The following SLC1A1 variants were observed in gnomAD, a reference collection of about 807,000 sequenced individuals.
The protein encoded by SLC1A1 is excitatory amino acid transporter 3.
SLC1A1 carries 43 observed loss-of-function variants against 53.3 expected under a neutral mutation model. The ratio of observed to expected loss-of-function variants is 0.81; its 90% CI spans 0.63 to 1.04. The LOEUF (loss-of-function observed/expected upper bound fraction) is 1.04, where lower values mean the gene tolerates loss of function less well. Ranked by LOEUF, SLC1A1 falls within the 50% of genes least tolerant of loss-of-function variation. The pLI is 0.00. For missense variants in SLC1A1, 748 were observed against 664.9 expected, an observed-to-expected ratio of 1.12 and a Z score of -1.37; for synonymous variants, 307 against 243.2, an observed-to-expected ratio of 1.26 and a Z score of -2.44.
At chr9:4,576,457 A>C in intron 9 of SLC1A1, 112 bp from the exon 10 acceptor site, 1 of 880,166 alleles carries the variant, frequency 1.1e-6, no homozygotes, top group Admixed American at 1.9e-5. Flanking sequence ...TTTCTCGACA[A>C]GATTACCTAA....
intron 3 of SLC1A1, among the ~76,000 whole-genome samples, chr9:4,562,670 T>C (rs1286424367): frequency 6.6e-6 from 1 of 152,114 alleles, no homozygotes; most frequent in Non-Finnish European, 1.5e-5. Context: ...ATGTGGTGTT[T>C]GGTTTTTTGT....
In SLC1A1 at chr9:4,572,321, C is replaced by A; in HGVS notation, c.700C>A (p.Gln234Lys). 6.2e-7 allele frequency: 1 copy of A among 1,614,134 alleles called. No individual in the cohort carries two copies. Among genetic ancestry groups the A allele is most frequent in the African/African-American group, 1.3e-5 (1 of 75,052 alleles). The change falls in exon 7 of 12, where the codon CAA becomes AAA. Residue 234 changes from glutamine to lysine, a missense_variant. Gln to Lys is a moderately conservative substitution (Grantham distance 53). Coordinates refer to ENST00000262352, the MANE Select transcript of SLC1A1 (RefSeq NM_004170.6). ...LVIGKMGEKG[Q>K]ILVDFFNALS... ...CATTGGAAAAATGGGAGAAAAGGGACAAATTCTGGTGGATTTCTTCAATGC... is the reference window on the plus strand; with the variant it reads ...CATTGGAAAAATGGGAGAAAAGGGAAAAATTCTGGTGGATTTCTTCAATGC...
At chr9:4,512,977 G>C (rs1404775578) in intron 1 of SLC1A1, among the ~76,000 whole-genome samples, 1 of 151,874 alleles carries the variant, frequency 6.6e-6, no homozygotes, top group Non-Finnish European at 1.5e-5. Flanking sequence ...AAAGAGCAAA[G>C]GATAGTCTTT....
chr9:4,561,455 C>T lies in SLC1A1; in HGVS notation c.239C>T (p.Ala80Val), dbSNP rs1283908226. Residue 80 changes from alanine to valine, a missense_variant, in exon 3 of 12, where the codon GCT becomes GTT. Coordinates refer to ENST00000262352, the MANE Select transcript of SLC1A1 (RefSeq NM_004170.6). ...LIISSMITGV[A>V]ALDSNVSGKI... ...ATTTCTGTCTCCCCTTCAGGTGTTG[C>T]TGCACTGGATTCCAACGTATCCGGA... 6.3e-7 allele frequency: 1 copy of T among 1,595,234 alleles called. No individual in the cohort carries two copies. Among genetic ancestry groups the T allele is most frequent in the East Asian group, 2.2e-5 (1 of 44,798 alleles).
At chr9:4,536,613 A>G (rs2130863482) in intron 1 of SLC1A1, among the ~76,000 whole-genome samples, 1 of 152,338 alleles carries the variant, frequency 6.6e-6, no homozygotes, top group Non-Finnish European at 1.5e-5. Flanking sequence ...AACCAGTTCA[A>G]CCATTGTGGA....
intron 2 of SLC1A1, among the ~76,000 whole-genome samples, chr9:4,551,828 T>C (rs1303803300): frequency 6.6e-6 from 1 of 152,212 alleles, no homozygotes; most frequent in Non-Finnish European, 1.5e-5. Flanking sequence ...GAAATTTGTG[T>C]TGAGTTAGAA....
rs1821527289 is a variant in SLC1A1, at chr9:4,585,740, G to A, written c.*182G>A. 1 of 721,264 alleles carries A rather than the reference G, an allele frequency of 1.4e-6. No individual in the cohort carries two copies. Among genetic ancestry groups the A allele is most frequent in the Non-Finnish European group, 2.3e-6 (1 of 440,660 alleles). 44.7% of individuals were successfully genotyped at this position (721,264 alleles called of 1,614,324 possible). A position where few individuals can be genotyped will look rare whatever the true frequency, so the allele number is the denominator to read the frequency against. On this transcript the variant is annotated 3_prime_UTR_variant, in exon 12 of 12. Coordinates refer to ENST00000262352, the MANE Select transcript of SLC1A1 (RefSeq NM_004170.6). ...TTGCGCTCTGGGTTTTGGGATTTGGGTGTGGGGTAAGTTGAAGGGAAATCA... is the reference window on the plus strand; with the variant it reads ...TTGCGCTCTGGGTTTTGGGATTTGGATGTGGGGTAAGTTGAAGGGAAATCA...
intron 1 of SLC1A1, among the ~76,000 whole-genome samples, chr9:4,537,213 T>TA (rs1816707329): frequency 6.6e-6 from 1 of 152,094 alleles, no homozygotes. Context: ...TGAAGATGTT[T>TA]AATGTGGGGG....
In SLC1A1 at chr9:4,508,692, C is replaced by G. The variant is rs150466760; in HGVS notation, c.91+17922C>G. The stretch of plus-strand genomic sequence containing the variant: ...ACATTCCTGTGGCCCAGTTTTCATG[C>G]TTTGCTCATGACATCCTCCCTCAGT... On this transcript the variant is annotated intron_variant, in intron 1 of 11. Coordinates refer to ENST00000262352, the MANE Select transcript of SLC1A1 (RefSeq NM_004170.6). 5.9e-3 allele frequency among the ~76,000 whole-genome samples: 895 copies of G among 152,332 alleles called. 9 individuals are homozygous for G. The highest frequency in any genetic ancestry group is 0.021 in the African/African-American group (856 of 41,572).
At chr9:4,535,152 C>G (rs1018220406) in intron 1 of SLC1A1, among the ~76,000 whole-genome samples, 2 of 152,094 alleles carry the variant, frequency 1.3e-5, no homozygotes, top group Non-Finnish European at 2.9e-5. Flanking sequence ...TGGCACAAGA[C>G]AGAGATGACC....
chr9:4,503,937 C>T (rs1490468403), intron 1 of SLC1A1, among the ~76,000 whole-genome samples: 1 of 148,220 alleles, frequency 6.7e-6, no homozygotes. Context: ...GAGTGAAGAC[C>T]ATGAGGAACT....
At chr9:4,534,187 G>C (rs531075971) in intron 1 of SLC1A1, among the ~76,000 whole-genome samples, 18 of 152,240 alleles carry the variant, frequency 1.2e-4, no homozygotes, top group African/African-American at 4.3e-4. Flanking sequence ...AAAGCTAGCA[G>C]AAGGCAAGAA....
At chr9:4,531,440 C>T (rs970430250) in intron 1 of SLC1A1, among the ~76,000 whole-genome samples, 6 of 152,166 alleles carry the variant, frequency 3.9e-5, no homozygotes, top group Admixed American at 1.3e-4. Flanking sequence ...GTCCTACGCC[C>T]GCAGAGACTC....
chr9:4,521,294 C>G (rs967374464), intron 1 of SLC1A1, among the ~76,000 whole-genome samples: 6 of 152,166 alleles, frequency 3.9e-5, no homozygotes, highest in African/African-American at 1.4e-4. Context: ...GGTACTACCT[C>G]CTATTTACCC....
chr9:4,540,763 G>A (rs1477104134), intron 1 of SLC1A1, among the ~76,000 whole-genome samples: 1 of 152,208 alleles, frequency 6.6e-6, no homozygotes, highest in African/African-American at 2.4e-5. Flanking sequence ...CTGCAACGGT[G>A]TCAGGGAAAT....
At chr9:4,561,963 G>A (rs1818987870) in intron 3 of SLC1A1, among the ~76,000 whole-genome samples, 2 of 151,676 alleles carry the variant, frequency 1.3e-5, no homozygotes, top group African/African-American at 4.8e-5. Flanking sequence ...CTTCTATGTT[G>A]CCCAGGCTGG....
intron 11 of SLC1A1, among the ~76,000 whole-genome samples, chr9:4,584,606 C>T (rs1394403042): frequency 1.3e-5 from 2 of 152,232 alleles, no homozygotes; most frequent in African/African-American, 4.8e-5. Flanking sequence ...CCCCTGCATG[C>T]AGTTCCTGTC....
chr9:4,521,838 G>C (rs1349489450), intron 1 of SLC1A1, among the ~76,000 whole-genome samples: 1 of 152,062 alleles, frequency 6.6e-6, no homozygotes, highest in Non-Finnish European at 1.5e-5. Flanking sequence ...ATTTATTCAA[G>C]ACCTTTACAA....
intron 3 of SLC1A1, among the ~76,000 whole-genome samples, chr9:4,563,972 G>A (rs577490409): frequency 1.3e-5 from 2 of 152,232 alleles, no homozygotes; most frequent in East Asian, 1.9e-4. Flanking sequence ...GCTAGAAAAT[G>A]GATCATCCTT....
Sources: gnomAD v4.1 joint callset for allele counts (sites outside exome capture counted in the v4.1 genomes callset) on GRCh38, gnomAD v4.1.1 for gene constraint, MANE v1.5 for transcripts, NCBI Gene and HGNC (gene_info 2026-07-23, HGNC 2026-07-21) for gene names.